ZMYM4: variants seen among roughly 807,000 people sequenced by gnomAD.
ZMYM4 encodes the protein zinc finger MYM-type containing 4.
In ZMYM4, 31 loss-of-function variants were observed where a neutral mutation model predicts 183.2. That is an observed-to-expected ratio of 0.17 (90% CI 0.13 to 0.23). The LOEUF (loss-of-function observed/expected upper bound fraction) is 0.23, where lower values mean the gene tolerates loss of function less well. ZMYM4 is among the 10% of genes least tolerant of loss of function. The pLI is 1.00. For synonymous variants in ZMYM4, 592 were observed against 631.2 expected (o/e 0.94, Z 0.93); for missense variants, 1,273 against 1,840.3 (o/e 0.69, Z 5.64).
chr1:35,280,333 T>C (rs780348432), intron 1 of ZMYM4, among the ~76,000 whole-genome samples: 4 of 152,022 alleles, frequency 2.6e-5, no homozygotes, highest in Non-Finnish European at 5.9e-5. Flanking sequence ...AGATGGTGTT[T>C]TACCATGTTG....
At position 35,394,162 on chromosome 1, in the gene ZMYM4, C is replaced by CTTTTTTTTTTTTTTTTTTTTTTTTTTTTT. The variant is rs34277367; in HGVS notation, c.2911+425_2911+453dup. 7.3e-5 allele frequency among the ~76,000 whole-genome samples: 5 copies of CTTTTTTTTTTTTTTTTTTTTTTTTTTTTT among 68,430 alleles called. 1 individual carries two copies. The highest frequency in any genetic ancestry group is 3.9e-4 in the Admixed American group (2 of 5,104). 44.9% of individuals were successfully genotyped at this position (68,430 alleles called of 152,430 possible). A position where few individuals can be genotyped will look rare whatever the true frequency, so the allele number is the denominator to read the frequency against. On this transcript the variant is annotated intron_variant, in intron 18 of 29. Transcript: ENST00000314607. Reference sequence around the variant, plus strand: ...CCTTTGAGGAGAGCTTCAGAGCTTTCTTTTTTTTTTTTTTTTTTTTTTTTT... The same window carrying CTTTTTTTTTTTTTTTTTTTTTTTTTTTTT: ...CCTTTGAGGAGAGCTTCAGAGCTTTCTTTTTTTTTTTTTTTTTTTTTTTTTTTTTTTTTTTTTTTTTTTTTTTTTTTTTT...
At chr1:35,406,150 A>G (rs1391965744) in intron 25 of ZMYM4, among the ~76,000 whole-genome samples, 1 of 152,138 alleles carries the variant, frequency 6.6e-6, no homozygotes, top group Non-Finnish European at 1.5e-5. Context: ...AGGTGATTGT[A>G]TGCACTCTTG....
At chr1:35,269,180 G>A (rs1639465035) in intron 1 of ZMYM4, 95 bp downstream of exon 1, 1 of 1,435,098 alleles carries the variant, frequency 7.0e-7, no homozygotes, top group Non-Finnish European at 9.3e-7. Flanking sequence ...GGGTCGCCGA[G>A]GCCCAGTTAG....
Position 35,361,753 on chromosome 1 carries a change from A to C in ZMYM4, c.804A>C (p.Leu268=). 6.2e-7 allele frequency: 1 copy of C among 1,609,654 alleles called. No individual in the cohort carries two copies. The highest frequency in any genetic ancestry group is 8.5e-7 in the Non-Finnish European group (1 of 1,178,876). ...AAGCAATGGCACCACAGCAGGGACT[A>C]CTAGACAAAATAAAAGATGAACCTG... is the stretch of plus-strand genomic sequence containing the variant. ...YDKAMAPQQG[L]LDKIKDEPDN... The change falls in exon 5 of 30, where the codon CTA becomes CTC. Residue 268 remains leucine, a synonymous_variant. Transcript: ENST00000314607.
At chr1:35,273,772 G>T (rs976669490) in intron 1 of ZMYM4, among the ~76,000 whole-genome samples, 2 of 152,126 alleles carry the variant, frequency 1.3e-5, no homozygotes, top group Non-Finnish European at 2.9e-5. Flanking sequence ...GACACAGTTT[G>T]GGATATTACC....
intron 25 of ZMYM4, among the ~76,000 whole-genome samples, chr1:35,407,445 A>G (rs1387831226): frequency 1.3e-5 from 2 of 151,768 alleles, no homozygotes; most frequent in African/African-American, 2.4e-5. Flanking sequence ...AAAAAAAAAG[A>G]AAGAAAAGAA....
intron 2 of ZMYM4, among the ~76,000 whole-genome samples, chr1:35,352,013 T>A (rs1643625540): frequency 6.6e-6 from 1 of 152,210 alleles, no homozygotes; most frequent in Non-Finnish European, 1.5e-5. Context: ...AAGATTTTCC[T>A]CCTGAACTCA....
chr1:35,348,674 T>C (rs560439827), intron 2 of ZMYM4, among the ~76,000 whole-genome samples: 3 of 152,340 alleles, frequency 2.0e-5, no homozygotes, highest in Admixed American at 1.3e-4. Flanking sequence ...AGGAGAAAAC[T>C]AGAGTGGCTG....
Position 35,386,065 on chromosome 1 carries a change from T to C in ZMYM4, c.1721-9T>C, listed in dbSNP as rs1284172017. 3 of 1,596,074 alleles carry C rather than the reference T, an allele frequency of 1.9e-6. No homozygotes were observed. Among genetic ancestry groups the C allele is most frequent in the Non-Finnish European group, 2.6e-6 (3 of 1,165,918 alleles). On this transcript the variant is annotated splice_polypyrimidine_tract_variant and intron_variant, in intron 10 of 29. Coordinates refer to ENST00000314607, the MANE Select transcript of ZMYM4 (RefSeq NM_005095.3). ...TATTACTCATTGGTTTTTATTTTGA[T>C]TTGCTAAGGTGTACAAGTTCAGTGT...
intron 5 of ZMYM4, among the ~76,000 whole-genome samples, chr1:35,367,237 AAGAC>A (rs1161673513): frequency 2.6e-5 from 4 of 151,696 alleles, no homozygotes; most frequent in East Asian, 1.9e-4. Context: ...TTTTTTTTAA[AAGAC>A]AGAGTTTCAC....
chr1:35,271,622 C>T (rs566120924), intron 1 of ZMYM4, among the ~76,000 whole-genome samples: 4 of 152,290 alleles, frequency 2.6e-5, no homozygotes, highest in Admixed American at 2.6e-4. Flanking sequence ...AGGCTGATCT[C>T]GAACTCCTGA....
At chr1:35,396,236 C>T (rs928192390) in intron 18 of ZMYM4, among the ~76,000 whole-genome samples, 3 of 152,162 alleles carry the variant, frequency 2.0e-5, no homozygotes, top group African/African-American at 7.2e-5. Flanking sequence ...ATTCAGCCTC[C>T]TCTTTAGCAA....
chr1:35,389,779 ATATGTGTGTGTGTG>A lies in ZMYM4; in HGVS notation c.2437-167_2437-154del. Among the ~76,000 whole-genome samples, 1 of 114,292 alleles carries A rather than the reference ATATGTGTGTGTGTG, an allele frequency of 8.7e-6. No homozygotes were observed. The highest frequency in any genetic ancestry group is 2.6e-4 in the South Asian group (1 of 3,804). 75.0% of individuals were successfully genotyped at this position (114,292 alleles called of 152,430 possible). A position where few individuals can be genotyped will look rare whatever the true frequency, so the allele number is the denominator to read the frequency against. ...CAAAAAAAAAAAAAAATATATATATATATGTGTGTGTGTGTGTGTGTGTGTGTGTATAATCATTG... is the reference window on the plus strand; with the variant it reads ...CAAAAAAAAAAAAAAATATATATATATGTGTGTGTGTGTGTATAATCATTG... On this transcript the variant is annotated intron_variant, in intron 14 of 29. Transcript: ENST00000314607. The surrounding 1 kb of genome is among the most constrained non-coding windows in gnomAD (Gnocchi z 4.0).
At chr1:35,382,287 T>A (rs1379061532) in intron 9 of ZMYM4, among the ~76,000 whole-genome samples, 1 of 150,682 alleles carries the variant, frequency 6.6e-6, no homozygotes, top group Non-Finnish European at 1.5e-5. Flanking sequence ...TATATATACA[T>A]ATAGAGAGAG....
intron 2 of ZMYM4, among the ~76,000 whole-genome samples, chr1:35,328,454 ATTTTT>A (rs754078160): frequency 3.4e-4 from 40 of 117,084 alleles, no homozygotes; most frequent in East Asian, 5.0e-4. Flanking sequence ...TAATTTTTTA[ATTTTT>A]TTTTTTTTTT....
chr1:35,413,722 T>C (rs1274736567), intron 26 of ZMYM4, among the ~76,000 whole-genome samples: 2 of 152,206 alleles, frequency 1.3e-5, no homozygotes, highest in Admixed American at 6.5e-5. Context: ...GTACCATCCG[T>C]GTTTGAAAAC....
intron 1 of ZMYM4, among the ~76,000 whole-genome samples, chr1:35,304,110 C>T (rs967862444): frequency 3.2e-4 from 49 of 152,106 alleles, no homozygotes; most frequent in African/African-American, 1.0e-3. Context: ...CTGCAACCTC[C>T]GCCTCCCACA....
intron 1 of ZMYM4, among the ~76,000 whole-genome samples, chr1:35,309,778 T>A (rs1310496456): frequency 1.3e-5 from 2 of 151,694 alleles, no homozygotes; most frequent in Non-Finnish European, 2.9e-5. Flanking sequence ...AGTAAGACTC[T>A]GTCTTAAAAA....
At chr1:35,287,618 T>TTATTG (rs920640244) in intron 1 of ZMYM4, among the ~76,000 whole-genome samples, 5 of 152,006 alleles carry the variant, frequency 3.3e-5, no homozygotes, top group African/African-American at 1.2e-4. Context: ...TTATTTTATT[T>TTATTG]TTTGGGGGAC....
Sources: gnomAD v4.1 joint callset for allele counts (sites outside exome capture counted in the v4.1 genomes callset) on GRCh38, gnomAD v4.1.1 for gene constraint, Gnocchi (gnomAD v3.1) non-coding constraint, MANE v1.5 for transcripts, NCBI Gene and HGNC (gene_info 2026-07-23, HGNC 2026-07-21) for gene names.